ERC1: variants seen among roughly 807,000 people sequenced by gnomAD.
The protein encoded by ERC1 is ELKS/RAB6-interacting/CAST family member 1, also known as RAB6 interacting protein 2.
ERC1 carries 56 observed loss-of-function variants against 132.0 expected under a neutral mutation model. The ratio of observed to expected loss-of-function variants is 0.42; its 90% CI spans 0.34 to 0.53. The LOEUF (loss-of-function observed/expected upper bound fraction) is 0.53. Among genes scored for constraint, ERC1 ranks in the 20% least tolerant of loss-of-function variants. The pLI, the probability that ERC1 is intolerant of heterozygous loss-of-function variation, is 0.03. For missense variants in ERC1, 1,202 were observed against 1,349.9 expected (o/e 0.89, Z 1.72); for synonymous variants, 478 against 476.1 (o/e 1.00, Z -0.05).
intron 2 of ERC1, among the ~76,000 whole-genome samples, chr12:1,032,216 TA>T (rs1968176306): frequency 6.6e-6 from 1 of 152,124 alleles, no homozygotes; most frequent in African/African-American, 2.4e-5. Context: ...CACACCTGGC[TA>T]ATTTTTGTAT....
chr12:1,210,272 C>G (rs1341899097), intron 12 of ERC1, among the ~76,000 whole-genome samples: 1 of 152,158 alleles, frequency 6.6e-6, no homozygotes, highest in African/African-American at 2.4e-5. Flanking sequence ...TTGGGAGAAA[C>G]AGACAAGGAA....
At chr12:1,017,356 A>G (rs1020197623) in intron 1 of ERC1, among the ~76,000 whole-genome samples, 1 of 152,174 alleles carries the variant, frequency 6.6e-6, no homozygotes, top group Non-Finnish European at 1.5e-5. Flanking sequence ...GTGAATTGAT[A>G]GTGAAACTGT....
chr12:1,463,936 G>A (rs1281335781), intron 18 of ERC1, among the ~76,000 whole-genome samples: 1 of 152,064 alleles, frequency 6.6e-6, no homozygotes, highest in Non-Finnish European at 1.5e-5. Context: ...GGAAGGTTGG[G>A]CAGACATACC....
chr12:1,265,565 A>G (rs1037899854), intron 14 of ERC1, among the ~76,000 whole-genome samples: 6 of 152,330 alleles, frequency 3.9e-5, no homozygotes, highest in Middle Eastern at 3.4e-3. Context: ...ACCAGTTTTA[A>G]TACATTGTTA....
At chr12:1,206,583 C>G (rs1190647211) in intron 12 of ERC1, among the ~76,000 whole-genome samples, 1 of 152,076 alleles carries the variant, frequency 6.6e-6, no homozygotes, top group Non-Finnish European at 1.5e-5. Flanking sequence ...CATTTTCTAT[C>G]TTCAGACATA....
chr12:1,182,657 G>A (rs561418659), intron 10 of ERC1, among the ~76,000 whole-genome samples: 1 of 140,202 alleles, frequency 7.1e-6, no homozygotes, highest in East Asian at 2.0e-4. Flanking sequence ...AGGGAAAAAT[G>A]TGATTTTTTT....
chr12:1,320,733 A>G (rs1339118959), intron 15 of ERC1, among the ~76,000 whole-genome samples: 1 of 152,022 alleles, frequency 6.6e-6, no homozygotes, highest in Non-Finnish European at 1.5e-5. Context: ...ACGGAATCTC[A>G]CTCTGTCGCC....
chr12:1,310,748 G>T (rs2081249707), intron 15 of ERC1, among the ~76,000 whole-genome samples: 1 of 152,232 alleles, frequency 6.6e-6, no homozygotes, highest in African/African-American at 2.4e-5. Flanking sequence ...TAGTAAACGG[G>T]AGTCAAAATA....
intron 8 of ERC1, among the ~76,000 whole-genome samples, chr12:1,146,018 T>C (rs1950311592): frequency 6.6e-6 from 1 of 152,146 alleles, no homozygotes; most frequent in Non-Finnish European, 1.5e-5. Context: ...GCCTCCACAT[T>C]TGTTCTTATT....
At chr12:1,449,554 C>T (rs1403192878) in intron 18 of ERC1, among the ~76,000 whole-genome samples, 1 of 152,082 alleles carries the variant, frequency 6.6e-6, no homozygotes, top group South Asian at 2.1e-4. Context: ...CTGTCTCCTG[C>T]CACCATGATT....
At chr12:1,449,306 T>C (rs2093373564) in intron 18 of ERC1, among the ~76,000 whole-genome samples, 1 of 152,124 alleles carries the variant, frequency 6.6e-6, no homozygotes, top group African/African-American at 2.4e-5. Flanking sequence ...TGTTTTGAAA[T>C]GTGAGGACAT....
chr12:1,257,793 G>T (rs1035207925), intron 13 of ERC1, among the ~76,000 whole-genome samples: 1 of 151,732 alleles, frequency 6.6e-6, no homozygotes, highest in Non-Finnish European at 1.5e-5. Flanking sequence ...GTATAATTTT[G>T]AATTTTCTAA....
chr12:1,050,338 T>A (rs911763094), intron 2 of ERC1, among the ~76,000 whole-genome samples: 2 of 152,200 alleles, frequency 1.3e-5, no homozygotes, highest in Non-Finnish European at 2.9e-5. Flanking sequence ...CAGGATAGAA[T>A]GAGAGGTTCC....
At chr12:1,216,064 C>G (rs1159486192) in intron 12 of ERC1, among the ~76,000 whole-genome samples, 1 of 152,078 alleles carries the variant, frequency 6.6e-6, no homozygotes, top group Non-Finnish European at 1.5e-5. Context: ...AAATTGTCCC[C>G]AAATTTTCAG....
At chr12:1,211,728 T>G (rs1481226802) in intron 12 of ERC1, among the ~76,000 whole-genome samples, 1 of 147,186 alleles carries the variant, frequency 6.8e-6, no homozygotes, top group Non-Finnish European at 1.5e-5. Flanking sequence ...CCCAGCTAAT[T>G]TTTTTTTTTT....
chr12:1,362,986 A>C (rs1365045250), intron 15 of ERC1, among the ~76,000 whole-genome samples: 1 of 152,214 alleles, frequency 6.6e-6, no homozygotes, highest in African/African-American at 2.4e-5. Context: ...ATTAAGGAAT[A>C]ATATAAATAC....
At chr12:1,313,686 T>C (rs868285485) in intron 15 of ERC1, among the ~76,000 whole-genome samples, 44 of 151,766 alleles carry the variant, frequency 2.9e-4, no homozygotes, top group Middle Eastern at 3.4e-3. Flanking sequence ...TATTAAATAT[T>C]CTAAAATTTT....
At chr12:1,181,883 C>A in intron 9 of ERC1, 42 bp from the exon 10 acceptor site, 2 of 1,577,220 alleles carry the variant, frequency 1.3e-6, no homozygotes, top group Non-Finnish European at 1.7e-6. Flanking sequence ...CATATAAGTG[C>A]AAAAGGGAAT....
chr12:1,383,590 C>T (rs1238782263), intron 16 of ERC1, among the ~76,000 whole-genome samples: 1 of 152,172 alleles, frequency 6.6e-6, no homozygotes, highest in African/African-American at 2.4e-5. Context: ...GGCAAGATCA[C>T]ACCACTGCAC....
Sources: allele counts gnomAD v4.1 joint callset (sites outside exome capture counted in the v4.1 genomes callset), GRCh38; gene constraint gnomAD v4.1.1; transcripts MANE v1.5; gene names NCBI Gene and HGNC (gene_info 2026-07-23, HGNC 2026-07-21).